Variants in TAB2 observed in about 807,000 individuals in gnomAD.
TAB2 encodes the protein TGF-beta activated kinase 1 (MAP3K7) binding protein 2, also known as TGF-beta-activated kinase 1 and MAP3K7-binding protein 2.
A neutral mutation model predicts 65.0 loss-of-function variants in TAB2; 3 were observed. The observed-to-expected ratio is 0.05, with a 90% CI of 0.02 to 0.12. The LOEUF is 0.12. Among genes scored for constraint, TAB2 ranks in the 10% least tolerant of loss-of-function variants. The pLI is 1.00. For missense variants in TAB2, 623 were observed against 840.3 expected (o/e 0.74, Z 3.20); for synonymous variants, 298 against 285.1 (o/e 1.05, Z -0.46).
intron 1 of TAB2, among the ~76,000 whole-genome samples, chr6:149,226,825 T>C (rs1228216955): frequency 6.6e-6 from 1 of 152,218 alleles, no homozygotes; most frequent in Admixed American, 6.5e-5. Context: ...AAAAGCAACA[T>C]TCCAAACAGA....
upstream of TAB2, among the ~76,000 whole-genome samples, chr6:149,315,860 G>A (rs931492667): frequency 3.4e-4 from 52 of 151,924 alleles, no homozygotes; most frequent in African/African-American, 1.2e-3. Flanking sequence ...CTGGTTTTTA[G>A]ACTTGACCTG....
At chr6:149,249,896 C>T (rs1777824887) in intron 1 of TAB2, among the ~76,000 whole-genome samples, 1 of 152,178 alleles carries the variant, frequency 6.6e-6, no homozygotes, top group South Asian at 2.1e-4. Flanking sequence ...ACCTAAAATA[C>T]AAACTGTTAG....
chr6:149,224,085 G>A (rs950543424), intron 1 of TAB2, among the ~76,000 whole-genome samples: 1 of 152,112 alleles, frequency 6.6e-6, no homozygotes, highest in African/African-American at 2.4e-5. Flanking sequence ...CCTTTTAAAG[G>A]GGCATGTTGG....
At chr6:149,322,428 A>G (rs901228505) in intron 1 of TAB2, among the ~76,000 whole-genome samples, 5 of 152,108 alleles carry the variant, frequency 3.3e-5, no homozygotes, top group Non-Finnish European at 7.4e-5. Context: ...TTCAGAACAC[A>G]ATTGTATTTA....
chr6:149,283,689 G>T (rs1397181934), intron 1 of TAB2, among the ~76,000 whole-genome samples: 1 of 152,014 alleles, frequency 6.6e-6, no homozygotes, highest in African/African-American at 2.4e-5. Flanking sequence ...CAGCCCAGGC[G>T]ACAAGAGAGA....
At chr6:149,407,731 C>T (rs1325480094) in intron 6 of TAB2, among the ~76,000 whole-genome samples, 6 of 150,974 alleles carry the variant, frequency 4.0e-5, no homozygotes, top group African/African-American at 2.4e-5. Context: ...ATCTAATTTC[C>T]TCTTTTTTCC....
rs59503280 is a variant in TAB2 at position 149,255,031 on chromosome 6, A to C, written c.-121+36255A>C. 1.2e-4 allele frequency among the ~76,000 whole-genome samples: 18 copies of C among 152,360 alleles called. No individual in the cohort carries two copies. The East Asian group carries it at 3.3e-3, about 28-fold the overall frequency. On this transcript the variant is annotated intron_variant, in intron 1 of 1. Coordinates refer to the TAB2 transcript ENST00000606202. ...AATGTATTTTGCATGGAAGAAGGACATGAATTTTGGGGGACCTGGGGCAAA... is the reference window on the plus strand; with the variant it reads ...AATGTATTTTGCATGGAAGAAGGACCTGAATTTTGGGGGACCTGGGGCAAA...
chr6:149,358,940 C>T (rs1198342538), intron 1 of TAB2, among the ~76,000 whole-genome samples: 2 of 151,874 alleles, frequency 1.3e-5, no homozygotes, highest in Non-Finnish European at 2.9e-5. Flanking sequence ...TTGATTGTTA[C>T]ATTTTATGAT....
At chr6:149,377,923 T>G (rs539481881) in intron 2 of TAB2, 95 bp from the exon 3 acceptor site, 1 of 912,660 alleles carries the variant, frequency 1.1e-6, no homozygotes, top group South Asian at 1.4e-5. Context: ...ATAATTGTAT[T>G]AGCCAGTCAC....
chr6:149,284,974 G>C (rs1778644202), intron 1 of TAB2, among the ~76,000 whole-genome samples: 1 of 152,202 alleles, frequency 6.6e-6, no homozygotes, highest in East Asian at 1.9e-4. Context: ...CAGAGGTGCT[G>C]CAAGGAGCAG....
chr6:149,222,200 C>T (rs891157377), intron 1 of TAB2, among the ~76,000 whole-genome samples: 7 of 152,210 alleles, frequency 4.6e-5, no homozygotes, highest in Non-Finnish European at 1.0e-4. Context: ...ATCGGCCTCT[C>T]TGGATCTCAG....
At chr6:149,302,539 C>T (rs921316957) in intron 1 of TAB2, among the ~76,000 whole-genome samples, 8 of 152,192 alleles carry the variant, frequency 5.3e-5, no homozygotes, top group Non-Finnish European at 4.4e-5. Context: ...CATGCCAAGG[C>T]CACAGTGATT....
chr6:149,327,707 T>C (rs570380489), intron 1 of TAB2, among the ~76,000 whole-genome samples: 18 of 152,342 alleles, frequency 1.2e-4, no homozygotes, highest in African/African-American at 4.3e-4. Flanking sequence ...ATGATTAGCA[T>C]GTACCTGAAT....
intron 3 of TAB2, among the ~76,000 whole-genome samples, chr6:149,397,269 T>G (rs911145956): frequency 3.9e-5 from 6 of 152,012 alleles, no homozygotes; most frequent in African/African-American, 1.5e-4. Context: ...TGGTGAAACC[T>G]CATCTCTACT....
intron 1 of TAB2, among the ~76,000 whole-genome samples, chr6:149,359,342 T>C (rs1377602869): frequency 6.6e-6 from 1 of 152,244 alleles, no homozygotes. Flanking sequence ...TGTTAATTTC[T>C]ATTTTAAGTT....
chr6:149,315,459 C>T (rs1171939951), upstream of TAB2, among the ~76,000 whole-genome samples: 1 of 152,116 alleles, frequency 6.6e-6, no homozygotes, highest in African/African-American at 2.4e-5. Context: ...TGTTCTTTTA[C>T]CCCTTAATAT....
chr6:149,326,404 C>T (rs1779619758), intron 1 of TAB2, among the ~76,000 whole-genome samples: 1 of 152,006 alleles, frequency 6.6e-6, no homozygotes, highest in Non-Finnish European at 1.5e-5. Context: ...TAATCTTACA[C>T]GTGTGCAGTT....
chr6:149,408,989 A>G (rs529586700), intron 6 of TAB2, among the ~76,000 whole-genome samples: 3 of 152,346 alleles, frequency 2.0e-5, no homozygotes, highest in Non-Finnish European at 2.9e-5. Context: ...CTACTTTACC[A>G]TACCAAATGT....
At chr6:149,303,512 T>A (rs1779005424) in intron 1 of TAB2, among the ~76,000 whole-genome samples, 1 of 152,198 alleles carries the variant, frequency 6.6e-6, no homozygotes, top group Admixed American at 6.5e-5. Flanking sequence ...TATATAAATA[T>A]AAACATACAT....
Sources: allele counts gnomAD v4.1 joint callset (sites outside exome capture counted in the v4.1 genomes callset), GRCh38; gene constraint gnomAD v4.1.1; transcripts MANE v1.5; gene names NCBI Gene and HGNC (gene_info 2026-07-23, HGNC 2026-07-21).